The following MTX2 variants were observed in gnomAD, a reference collection of about 807,000 sequenced individuals.
MTX2 encodes metaxin 2.
A neutral mutation model predicts 42.3 loss-of-function variants in MTX2; 35 were observed. The observed-to-expected ratio is 0.83, with a 90% CI of 0.63 to 1.10. The LOEUF (loss-of-function observed/expected upper bound fraction) is 1.10. Among genes scored for constraint, MTX2 ranks in the 50% least tolerant of loss-of-function variants. The probability of loss-of-function intolerance (pLI) is 0.00; values close to 1 mark genes in which losing one functional copy is unlikely to be tolerated. For synonymous variants in MTX2, 119 were observed against 100.9 expected (o/e 1.18, Z -1.08); for missense variants, 307 against 304.1 (o/e 1.01, Z -0.07).
In MTX2 at chr2:176,329,311, C is replaced by T; in HGVS notation, c.428C>T (p.Ala143Val). The T allele has an allele frequency of 6.2e-7, 1 of 1,604,402 alleles. No homozygotes were observed. Among genetic ancestry groups the T allele is most frequent in the Non-Finnish European group, 8.5e-7 (1 of 1,174,126 alleles). The change falls in exon 8 of 10, where the codon GCT becomes GTT. Residue 143 changes from alanine (A) to valine (V), a missense_variant. Coordinates refer to ENST00000249442, the MANE Select transcript of MTX2 (RefSeq NM_006554.5). ...ATCTTTTTACTTTAGATCACTCATG[C>T]TAGGTATGGATCTCCTTACCCTTGG... ...DEATVGEITHARYGSPYPWPL... is the reference protein window; with the variant it reads ...DEATVGEITHVRYGSPYPWPL...
chr2:176,323,392 G>T lies in MTX2; in HGVS notation c.136G>T (p.Ala46Ser). ...TTATTGTATGTATCTTGATTTACAG[G>T]CCTTTTTGCAAATGTGTAACTTGCC... ...SDNAASLAVQ[A>S]FLQMCNLPIK... The change falls in exon 4 of 10, where the codon GCC becomes TCC. Residue 46 changes from alanine (A) to serine (S), a missense_variant and splice_region_variant. Physicochemically the swap from Ala to Ser is moderately conservative, Grantham distance 99. Coordinates refer to ENST00000249442, the MANE Select transcript of MTX2 (RefSeq NM_006554.5). 6.2e-7 allele frequency: 1 copy of T among 1,610,054 alleles called. No homozygotes were observed. The highest frequency in any genetic ancestry group is 8.5e-7 in the Non-Finnish European group (1 of 1,177,326).
At chr2:176,333,896 A>G (rs555081157) in intron 9 of MTX2, among the ~76,000 whole-genome samples, 13 of 151,876 alleles carry the variant, frequency 8.6e-5, no homozygotes, top group African/African-American at 2.4e-4. Flanking sequence ...AGCACCATCT[A>G]GGTTTGTGTA....
intron 4 of MTX2, among the ~76,000 whole-genome samples, chr2:176,326,363 G>T (rs1262975440): frequency 6.6e-6 from 1 of 151,566 alleles, no homozygotes; most frequent in Non-Finnish European, 1.5e-5. Context: ...ATCTCAATGG[G>T]TATCAAAGAC....
intron 1 of MTX2, among the ~76,000 whole-genome samples, chr2:176,288,620 A>G (rs1693259449): frequency 6.6e-6 from 1 of 151,086 alleles, no homozygotes; most frequent in African/African-American, 2.4e-5. Flanking sequence ...TTGCCTAAGG[A>G]TAAACTGAGT....
chr2:176,273,773 C>T (rs1692879401), intron 1 of MTX2, among the ~76,000 whole-genome samples: 2 of 152,128 alleles, frequency 1.3e-5, no homozygotes, highest in African/African-American at 4.8e-5. Flanking sequence ...TAGTTCAAAG[C>T]TTTGTCATTT....
chr2:176,330,666 A>C lies in MTX2; in HGVS notation c.620+6A>C, dbSNP rs369412381. On this transcript the variant is annotated splice_donor_region_variant and intron_variant, in intron 9 of 9. Transcript: ENST00000249442. Reference sequence around the variant, plus strand: ...CCGTATTTCTTCAATAAGCAGTAAGAAATTTTACTTTTTTAAAGTTAATTT... The same window carrying C: ...CCGTATTTCTTCAATAAGCAGTAAGCAATTTTACTTTTTTAAAGTTAATTT... 3.2e-6 allele frequency: 5 copies of C among 1,583,250 alleles called. No individual in the cohort carries two copies. Among genetic ancestry groups the C allele is most frequent in the Non-Finnish European group, 4.3e-6 (5 of 1,161,240 alleles).
intron 3 of MTX2, among the ~76,000 whole-genome samples, chr2:176,311,230 G>C (rs549062907): frequency 6.6e-6 from 1 of 152,280 alleles, no homozygotes; most frequent in South Asian, 2.1e-4. Flanking sequence ...ACCAGTGGAG[G>C]CTGCAGAACG....
chr2:176,314,829 G>A (rs925340949), intron 3 of MTX2, among the ~76,000 whole-genome samples: 3 of 152,066 alleles, frequency 2.0e-5, no homozygotes, highest in African/African-American at 7.2e-5. Context: ...TAACTAAGAC[G>A]TTAAATTGAC....
chr2:176,272,529 G>C (rs1425201579), intron 1 of MTX2, among the ~76,000 whole-genome samples: 2 of 152,008 alleles, frequency 1.3e-5, no homozygotes, highest in African/African-American at 2.4e-5. Context: ...CCTCCTAAAT[G>C]TACAGTTATT....
At chr2:176,330,759 T>A (rs1266548502) in intron 9 of MTX2, 99 bp downstream of exon 9, 1 of 821,292 alleles carries the variant, frequency 1.2e-6, no homozygotes, top group East Asian at 2.5e-5. Context: ...AATATTTAGC[T>A]ATTTTTATAA....
At chr2:176,319,738 G>A (rs1014398069) in intron 3 of MTX2, among the ~76,000 whole-genome samples, 4 of 151,946 alleles carry the variant, frequency 2.6e-5, no homozygotes. Context: ...ACCACGCCCG[G>A]CTAATTTTTG....
intron 1 of MTX2, among the ~76,000 whole-genome samples, chr2:176,283,593 T>C (rs1693129040): frequency 6.6e-6 from 1 of 152,194 alleles, no homozygotes; most frequent in Admixed American, 6.5e-5. Flanking sequence ...GAATAGAGTT[T>C]TTTGGTTAGC....
intron 9 of MTX2, among the ~76,000 whole-genome samples, chr2:176,334,340 T>C (rs887584249): frequency 6.6e-6 from 1 of 151,802 alleles, no homozygotes; most frequent in Non-Finnish European, 1.5e-5. Context: ...AAACAAGGAT[T>C]AGGAAAATAA....
chr2:176,285,790 T>A (rs900578008), intron 1 of MTX2, among the ~76,000 whole-genome samples: 2 of 152,222 alleles, frequency 1.3e-5, no homozygotes, highest in African/African-American at 4.8e-5. Context: ...CACCAGTTAA[T>A]GAACATCTGG....
chr2:176,323,321 A>G (rs1684628503), intron 3 of MTX2, 71 bp from the exon 4 acceptor site: 2 of 1,246,680 alleles, frequency 1.6e-6, no homozygotes, highest in East Asian at 2.3e-5. Context: ...TAGAAAAGAA[A>G]TGCATACAAA....
At chr2:176,332,940 T>C (rs1050150684) in intron 9 of MTX2, among the ~76,000 whole-genome samples, 1 of 150,872 alleles carries the variant, frequency 6.6e-6, no homozygotes. Flanking sequence ...AAATGGAAAA[T>C]GTTAGGAAAA....
At chr2:176,333,131 C>A (rs1558946623) in intron 9 of MTX2, among the ~76,000 whole-genome samples, 1 of 151,322 alleles carries the variant, frequency 6.6e-6, no homozygotes, top group African/African-American at 2.4e-5. Context: ...ATATTTGTCA[C>A]CCTGGAATAT....
chr2:176,269,604 C>T lies in MTX2; in HGVS notation c.-26C>T, dbSNP rs527323065. On this transcript the variant is annotated 5_prime_UTR_variant, in exon 1 of 10. Coordinates refer to ENST00000249442, the MANE Select transcript of MTX2 (RefSeq NM_006554.5). The stretch of plus-strand genomic sequence containing the variant: ...CGCTGAGGCCCGTGGGGGGCAGGCA[C>T]CCGGGCGCCGGGCCTCCCAGCCGAC... 1.1e-4 allele frequency: 173 copies of T among 1,573,452 alleles called. 1 individual carries two copies. In the African/African-American group the frequency reaches 1.6e-3, roughly 14 times the overall value.
At chr2:176,290,689 T>A (rs1693306450) in intron 1 of MTX2, among the ~76,000 whole-genome samples, 2 of 152,226 alleles carry the variant, frequency 1.3e-5, no homozygotes, top group Middle Eastern at 6.8e-3. Context: ...ACATGGTTGA[T>A]TTGTAGATTC....
Sources: allele counts gnomAD v4.1 joint callset (sites outside exome capture counted in the v4.1 genomes callset), GRCh38; gene constraint gnomAD v4.1.1; transcripts MANE v1.5; gene names NCBI Gene and HGNC (gene_info 2026-07-23, HGNC 2026-07-21).